Variants in RRAGD observed in about 807,000 individuals in gnomAD.
RRAGD encodes the protein Ras related GTP binding D, also known as ras-related GTP-binding protein D.
RRAGD carries 12 observed loss-of-function variants against 35.5 expected under a neutral mutation model. That is an observed-to-expected ratio of 0.34 (90% CI 0.22 to 0.55). RRAGD has a LOEUF of 0.55. Among genes scored for constraint, RRAGD ranks in the 20% least tolerant of loss-of-function variants. The pLI, the probability that RRAGD is intolerant of heterozygous loss-of-function variation, is 0.91. For synonymous variants in RRAGD, 155 were observed against 178.9 expected, an observed-to-expected ratio of 0.87 and a Z score of 1.07; for missense variants, 324 against 490.1, an observed-to-expected ratio of 0.66 and a Z score of 3.20.
chr6:89,402,722 G>C (rs1769496740), intron 1 of RRAGD, among the ~76,000 whole-genome samples: 1 of 152,180 alleles, frequency 6.6e-6, no homozygotes, highest in Non-Finnish European at 1.5e-5. Flanking sequence ...GGCCTCAGAA[G>C]GGAGGTAAAA....
chr6:89,409,267 T>C (rs1236860531), intron 1 of RRAGD, among the ~76,000 whole-genome samples: 1 of 152,190 alleles, frequency 6.6e-6, no homozygotes, highest in Non-Finnish European at 1.5e-5. Context: ...ATAAATTGCT[T>C]TGCAACTTAA....
rs1363937137 is a variant in RRAGD, at chr6:89,372,451, C to T, written c.1037G>A (p.Ser346Asn). Residue 346 changes from serine (S) to asparagine (N), a missense_variant, in exon 6 of 7, where the codon AGC (serine) becomes AAC (asparagine). Ser to Asn is a conservative substitution (Grantham distance 46, BLOSUM62 1). Around this residue, in one of 5 missense-constraint regions of RRAGD, gnomAD observed 68 missense variants for 76.8 expected, o/e 0.89. Coordinates refer to ENST00000369415, the MANE Select transcript of RRAGD (RefSeq NM_021244.5). The stretch of plus-strand genomic sequence containing the variant: ...CAAAAAGTTACCTTTTCTTTCAAAG[C>T]TTTCCTCTCTGACAAAGCAAACGAG... ...LALVCFVREE[S>N]FERKGLIDYN... 1 of 1,613,276 alleles carries T rather than the reference C, an allele frequency of 6.2e-7. No individual in the cohort carries two copies. Among genetic ancestry groups the T allele is most frequent in the Admixed American group, 1.7e-5 (1 of 59,722 alleles).
intron 2 of RRAGD, among the ~76,000 whole-genome samples, chr6:89,381,140 C>T (rs1769035313): frequency 6.6e-6 from 1 of 152,206 alleles, no homozygotes; most frequent in Non-Finnish European, 1.5e-5. Flanking sequence ...AGACCACCGT[C>T]TGCAGGCCCT....
intron 2 of RRAGD, among the ~76,000 whole-genome samples, chr6:89,385,264 G>C (rs1218826135): frequency 6.6e-6 from 1 of 151,996 alleles, no homozygotes; most frequent in East Asian, 1.9e-4. Flanking sequence ...AGCACAACGT[G>C]GTATTTAAGT....
intron 1 of RRAGD, among the ~76,000 whole-genome samples, chr6:89,399,157 TC>T (rs1769399596): frequency 1.3e-5 from 2 of 152,208 alleles, no homozygotes; most frequent in Non-Finnish European, 2.9e-5. Context: ...GGTATGATCA[TC>T]CACGCTGATG....
chr6:89,386,732 G>A (rs947241891), intron 2 of RRAGD, among the ~76,000 whole-genome samples: 3 of 151,960 alleles, frequency 2.0e-5, no homozygotes, highest in Non-Finnish European at 4.4e-5. Flanking sequence ...GCCAAATATT[G>A]TCTTATTCAA....
chr6:89,392,421 C>T (rs903733378), intron 1 of RRAGD, among the ~76,000 whole-genome samples: 16 of 148,832 alleles, frequency 1.1e-4, no homozygotes, highest in African/African-American at 4.0e-4. Flanking sequence ...TCAAGGCTGC[C>T]GTGAGCTTTG....
At chr6:89,368,295 G>A (rs1768792412) in intron 6 of RRAGD, 88 bp from the exon 7 acceptor site, 8 of 1,207,672 alleles carry the variant, frequency 6.6e-6, no homozygotes, top group Non-Finnish European at 4.6e-6. Context: ...CAAGCCAGTA[G>A]GGGGCAGTAG....
At chr6:89,375,060 A>G (rs1768915403) in intron 5 of RRAGD, among the ~76,000 whole-genome samples, 1 of 152,218 alleles carries the variant, frequency 6.6e-6, no homozygotes, top group Non-Finnish European at 1.5e-5. Context: ...ACAGCATTTA[A>G]TAATACAGGA....
At chr6:89,374,468 C>T (rs770136740) in intron 5 of RRAGD, among the ~76,000 whole-genome samples, 2 of 152,174 alleles carry the variant, frequency 1.3e-5, no homozygotes, top group Non-Finnish European at 2.9e-5. Flanking sequence ...GGCACGGTGG[C>T]TCAGGCCTAT....
intron 2 of RRAGD, among the ~76,000 whole-genome samples, chr6:89,384,314 A>G (rs1018677739): frequency 6.6e-6 from 1 of 152,188 alleles, no homozygotes; most frequent in African/African-American, 2.4e-5. Context: ...AGCATTCAAC[A>G]ATGCTTTTCC....
intron 6 of RRAGD, among the ~76,000 whole-genome samples, chr6:89,371,690 T>C (rs1053455715): frequency 6.6e-6 from 1 of 152,216 alleles, no homozygotes; most frequent in Admixed American, 6.5e-5. Context: ...GATATGTAAC[T>C]ATTTGTTGGA....
At chr6:89,384,034 C>A (rs1465915951) in intron 2 of RRAGD, among the ~76,000 whole-genome samples, 2 of 150,050 alleles carry the variant, frequency 1.3e-5, no homozygotes, top group African/African-American at 4.9e-5. Flanking sequence ...ACCCAGTTGG[C>A]GGGGATTGCA....
At position 89,380,289 on chromosome 6, in the gene RRAGD, C is replaced by A. The variant is rs779026796; in HGVS notation, c.523G>T (p.Glu175Ter). 1 of 1,614,202 alleles carries A rather than the reference C, an allele frequency of 6.2e-7. No individual in the cohort carries two copies. The highest frequency in any genetic ancestry group is 8.5e-7 in the Non-Finnish European group (1 of 1,180,030). Reference sequence around the variant, plus strand: ...CCATCCACTTTATGAATAAACACCTCGAAGTTGATGTCAGTATTCACTTTG... The same window carrying A: ...CCATCCACTTTATGAATAAACACCTAGAAGTTGATGTCAGTATTCACTTTG... ...AYKVNTDINF[E>*]VFIHKVDGLS... The change falls in exon 3 of 7, where the codon GAG becomes TAG. Residue 175 changes from glutamate (E) to a stop codon, truncating the protein, a stop_gained. Transcript: ENST00000369415. LOFTEE classifies it high-confidence loss of function.
intron 4 of RRAGD, among the ~76,000 whole-genome samples, chr6:89,378,565 T>C (rs1716785499): frequency 1.3e-5 from 2 of 152,198 alleles, no homozygotes; most frequent in South Asian, 2.1e-4. Context: ...GCTGGTGATG[T>C]GTAGGGTTCA....
chr6:89,408,639 C>T (rs1380214403), intron 1 of RRAGD, among the ~76,000 whole-genome samples: 2 of 152,166 alleles, frequency 1.3e-5, no homozygotes, highest in South Asian at 2.1e-4. Context: ...CCTAAGGGTG[C>T]GCACAGGCTG....
rs141575820 is a variant in RRAGD at position 89,372,512 on chromosome 6, C to T, written c.976G>A (p.Val326Met). Residue 326 changes from valine (V) to methionine (M), a missense_variant, in exon 6 of 7, where the codon GTG becomes ATG. Val to Met is a conservative substitution (Grantham distance 21, BLOSUM62 1). Coordinates refer to ENST00000369415, the MANE Select transcript of RRAGD (RefSeq NM_021244.5). ...TAIIKLNNTT[V>M]LYLKEVTKFL... ...TTTGTCACCTCTTTTAAATAAAGCA[C>T]GGTTGTATTATTAAGCTTTATGATG... The T allele has an allele frequency of 8.8e-4, 1,416 of 1,611,830 alleles. 5 individuals are homozygous for T. The highest frequency in any genetic ancestry group is 3.0e-4 in the Non-Finnish European group (352 of 1,179,178).
At chr6:89,407,886 T>C (rs1293137584) in intron 1 of RRAGD, among the ~76,000 whole-genome samples, 4 of 152,054 alleles carry the variant, frequency 2.6e-5, no homozygotes, top group Non-Finnish European at 5.9e-5. Flanking sequence ...TATCTAGTAT[T>C]AAAATGGAAG....
intron 1 of RRAGD, among the ~76,000 whole-genome samples, chr6:89,410,461 G>C (rs1263957488): frequency 6.6e-6 from 1 of 152,230 alleles, no homozygotes; most frequent in African/African-American, 2.4e-5. Flanking sequence ...GGTAGCTCTA[G>C]AGACTCCAAT....
Sources: gnomAD v4.1 joint callset for allele counts (sites outside exome capture counted in the v4.1 genomes callset) on GRCh38, gnomAD v4.1.1 for gene constraint, gnomAD v4.1.1 regional missense constraint, MANE v1.5 for transcripts, NCBI Gene and HGNC (gene_info 2026-07-23, HGNC 2026-07-21) for gene names.